Variants in FAF2 observed in about 807,000 individuals in gnomAD.
FAF2 encodes the protein FAS-associated factor 2.
A neutral mutation model predicts 62.3 loss-of-function variants in FAF2; 9 were observed. That is an observed-to-expected ratio of 0.14 (90% CI 0.09 to 0.25). The LOEUF (loss-of-function observed/expected upper bound fraction) is 0.25. Ranked by LOEUF, FAF2 falls within the 10% of genes least tolerant of loss-of-function variation. The probability of loss-of-function intolerance (pLI) is 1.00; values close to 1 mark genes in which losing one functional copy is unlikely to be tolerated. For synonymous variants in FAF2, 202 were observed against 198.0 expected (o/e 1.02, Z -0.17); for missense variants, 368 against 556.2 (o/e 0.66, Z 3.40).
At chr5:176,481,033 T>C (rs529439546) in intron 2 of FAF2, among the ~76,000 whole-genome samples, 1 of 152,042 alleles carries the variant, frequency 6.6e-6, no homozygotes, top group Non-Finnish European at 1.5e-5. Flanking sequence ...TTGCTTTTTG[T>C]TTTTTTATCT....
intron 1 of FAF2, among the ~76,000 whole-genome samples, chr5:176,456,914 A>G (rs906994299): frequency 1.3e-5 from 2 of 152,204 alleles, no homozygotes; most frequent in East Asian, 3.8e-4. Context: ...AGGTTTTGAC[A>G]TACTTACTCA....
At chr5:176,469,576 A>G (rs569631476) in intron 1 of FAF2, among the ~76,000 whole-genome samples, 72 of 152,338 alleles carry the variant, frequency 4.7e-4, no homozygotes, top group Admixed American at 1.0e-3. Context: ...CAGCCCTTCC[A>G]GTGTAAATTG....
intron 5 of FAF2, among the ~76,000 whole-genome samples, chr5:176,492,870 A>G (rs78740361): frequency 0.028 from 4,269 of 152,328 alleles, 96 homozygotes; most frequent in Non-Finnish European, 0.041. Flanking sequence ...CTGCTACCAG[A>G]CTGAAAGCCC....
chr5:176,474,301 G>T (rs769635258), intron 1 of FAF2, among the ~76,000 whole-genome samples: 2 of 152,056 alleles, frequency 1.3e-5, no homozygotes, highest in Non-Finnish European at 2.9e-5. Flanking sequence ...TTACTTAATT[G>T]TTCAAATCTG....
At chr5:176,506,153 T>C (rs905576530) in intron 10 of FAF2, among the ~76,000 whole-genome samples, 1 of 144,908 alleles carries the variant, frequency 6.9e-6, no homozygotes, top group Non-Finnish European at 1.5e-5. Flanking sequence ...ATGGCGCCAT[T>C]GCACTCCATT....
chr5:176,466,785 T>C (rs866722092), intron 1 of FAF2, among the ~76,000 whole-genome samples: 1 of 152,176 alleles, frequency 6.6e-6, no homozygotes, highest in Non-Finnish European at 1.5e-5. Context: ...CCCGTATACA[T>C]TTTACAAGAT....
intron 1 of FAF2, among the ~76,000 whole-genome samples, chr5:176,460,649 A>T (rs1758362493): frequency 6.6e-6 from 1 of 151,352 alleles, no homozygotes; most frequent in African/African-American, 2.4e-5. Flanking sequence ...GGCCCTGTAA[A>T]TGTCTTTTGA....
rs1759042497 is a variant in FAF2, at chr5:176,495,394, A to T, written c.662-1092A>T. On this transcript the variant is annotated intron_variant, in intron 7 of 10. Coordinates refer to ENST00000261942, the MANE Select transcript of FAF2 (RefSeq NM_014613.3). ...AGGGGGCAGAAGGGAGGTTGTGAATAGAAGGAAGGTAAGGATTTTTTTTTA... is the reference window on the plus strand; with the variant it reads ...AGGGGGCAGAAGGGAGGTTGTGAATTGAAGGAAGGTAAGGATTTTTTTTTA... 2.6e-5 allele frequency among the ~76,000 whole-genome samples: 4 copies of T among 152,150 alleles called. No homozygotes were observed. The South Asian group carries it at 8.3e-4, about 31-fold the overall frequency.
In FAF2 at chr5:176,460,372, G is replaced by A. The variant is rs149365363; in HGVS notation, c.63+11902G>A. Among the ~76,000 whole-genome samples the A allele has an allele frequency of 1.3e-3, 203 of 152,000 alleles. 1 individual carries two copies. The highest frequency in any genetic ancestry group is 4.6e-3 in the African/African-American group (191 of 41,458). On this transcript the variant is annotated intron_variant, in intron 1 of 10. Coordinates refer to ENST00000261942, the MANE Select transcript of FAF2 (RefSeq NM_014613.3). ...TCCCACCAGTGTTATATAAGCATTC[G>A]TTTTTCTCTGTGGCCTTGCCAATAT...
intron 1 of FAF2, among the ~76,000 whole-genome samples, chr5:176,478,439 A>G (rs749915016): frequency 1.3e-5 from 2 of 152,064 alleles, no homozygotes; most frequent in Non-Finnish European, 2.9e-5. Flanking sequence ...TCATTGCGCT[A>G]TTGCACTCCA....
chr5:176,465,366 C>CTT lies in FAF2; in HGVS notation c.64-13805_64-13804dup, dbSNP rs70991554. Among the ~76,000 whole-genome samples the CTT allele has an allele frequency of 1.5e-3, 174 of 115,690 alleles. 2 individuals carry two copies. Among genetic ancestry groups the CTT allele is most frequent in the African/African-American group, 5.6e-3 (163 of 29,006 alleles). 75.9% of individuals were successfully genotyped at this position (115,690 alleles called of 152,430 possible). ...AGAAACTGAAATTTTCTTTTTCTTTCTTTTTTTTTTTTTTTTTTGAGTTGG... is the reference window on the plus strand; with the variant it reads ...AGAAACTGAAATTTTCTTTTTCTTTCTTTTTTTTTTTTTTTTTTTTGAGTTGG... On this transcript the variant is annotated intron_variant, in intron 1 of 10. Transcript: ENST00000261942.
At position 176,467,022 on chromosome 5, in the gene FAF2, G is replaced by A. The variant is rs534511232; in HGVS notation, c.64-12166G>A. Among the ~76,000 whole-genome samples the A allele has an allele frequency of 2.6e-4, 39 of 152,236 alleles. No individual in the cohort carries two copies. The South Asian group carries it at 7.7e-3, about 30-fold the overall frequency. ...CTTGGGAAGTCAGTTTATGGAAGGGGAGTCATCTCTGAAGGGAGGAGGAAG... is the reference window on the plus strand; with the variant it reads ...CTTGGGAAGTCAGTTTATGGAAGGGAAGTCATCTCTGAAGGGAGGAGGAAG... On this transcript the variant is annotated intron_variant, in intron 1 of 10. Transcript: ENST00000261942.
At position 176,472,475 on chromosome 5, in the gene FAF2, G is replaced by T. The variant is rs1467320511; in HGVS notation, c.64-6713G>T. 3.3e-5 allele frequency among the ~76,000 whole-genome samples: 5 copies of T among 151,906 alleles called. No individual in the cohort carries two copies. The East Asian group carries it at 9.7e-4, about 29-fold the overall frequency. ...TTGTTTTTTTTAAGCAGAGAACAGG[G>T]TCTTGCTATGTTGTTCAGGATGGTC... On this transcript the variant is annotated intron_variant, in intron 1 of 10. Transcript: ENST00000261942.
chr5:176,498,668 T>A (rs1429834736), intron 8 of FAF2, among the ~76,000 whole-genome samples: 1 of 152,170 alleles, frequency 6.6e-6, no homozygotes, highest in Non-Finnish European at 1.5e-5. Context: ...GGGAAAAGTT[T>A]TATTTTAAAA....
At chr5:176,479,131 C>T in intron 1 of FAF2, 57 bp from the exon 2 acceptor site, 1 of 1,378,012 alleles carries the variant, frequency 7.3e-7, no homozygotes, top group Non-Finnish European at 1.0e-6. Context: ...CGTAAAAATA[C>T]TCACACGTAT....
chr5:176,477,784 A>G (rs531447687), intron 1 of FAF2, among the ~76,000 whole-genome samples: 45 of 152,180 alleles, frequency 3.0e-4, no homozygotes, highest in Non-Finnish European at 5.3e-4. Flanking sequence ...CATAAAGGAA[A>G]CTAAATTCAG....
chr5:176,506,447 T>A (rs1755686324), intron 10 of FAF2, among the ~76,000 whole-genome samples: 1 of 152,210 alleles, frequency 6.6e-6, no homozygotes, highest in African/African-American at 2.4e-5. Context: ...AAAAATTAAG[T>A]GTCCTATACT....
At chr5:176,484,013 G>T (rs777817119) in intron 2 of FAF2, among the ~76,000 whole-genome samples, 5 of 152,040 alleles carry the variant, frequency 3.3e-5, no homozygotes, top group Non-Finnish European at 7.4e-5. Context: ...GGGGGAAGTT[G>T]CAGTGAGCCG....
chr5:176,461,735 A>G (rs1758383753), intron 1 of FAF2, among the ~76,000 whole-genome samples: 1 of 151,438 alleles, frequency 6.6e-6, no homozygotes, highest in Non-Finnish European at 1.5e-5. Context: ...GTTTGCGAAG[A>G]TTTTCTCCCA....
Sources: gnomAD v4.1 joint callset for allele counts (sites outside exome capture counted in the v4.1 genomes callset) on GRCh38, gnomAD v4.1.1 for gene constraint, MANE v1.5 for transcripts, NCBI Gene and HGNC (gene_info 2026-07-23, HGNC 2026-07-21) for gene names.